SERPINB7: variants seen among roughly 807,000 people sequenced by gnomAD.
SERPINB7 encodes the protein serpin family B member 7.
Under a neutral mutation model 37.4 loss-of-function variants are expected in SERPINB7, and 31 were observed. The ratio of observed to expected loss-of-function variants is 0.83; its 90% CI spans 0.62 to 1.12. The LOEUF is 1.12. Among genes scored for constraint, SERPINB7 ranks in the 50% most tolerant of loss-of-function variants. The pLI is 0.00. For synonymous variants in SERPINB7, 163 were observed against 166.1 expected (o/e 0.98, Z 0.14); for missense variants, 521 against 455.3 (o/e 1.14, Z -1.31).
rs551916621 is a variant in SERPINB7, at chr18:63,754,546, G to C, written c.-19+1426G>C. ...TAGAGGAGCAAAGACGCTGGTCAGA[G>C]GTAACACTAGTCATTAGGGTGGTCC... On this transcript the variant is annotated intron_variant, in intron 1 of 7. Transcript: ENST00000336429. 9.3e-4 allele frequency among the ~76,000 whole-genome samples: 141 copies of C among 152,232 alleles called. 1 individual carries two copies. The highest frequency in any genetic ancestry group is 3.3e-3 in the African/African-American group (138 of 41,534).
chr18:63,781,843 A>G lies in SERPINB7; in HGVS notation c.-18-512A>G, dbSNP rs76458450. On this transcript the variant is annotated intron_variant, in intron 1 of 7. Transcript: ENST00000398019. ...GGACCAATGATGCATAATACTTAAA[A>G]TTAGGACAGTTTTGAAAAAAAATAG... 3.7e-3 allele frequency among the ~76,000 whole-genome samples: 568 copies of G among 152,344 alleles called. 2 individuals are homozygous for G. Among genetic ancestry groups the G allele is most frequent in the Non-Finnish European group, 4.9e-3 (334 of 68,028 alleles).
Position 63,785,483 on chromosome 18 carries a change from T to G in SERPINB7, c.168+2943T>G, listed in dbSNP as rs543845533. Reference sequence around the variant, plus strand: ...CAAGACGTTCTGGGCTTGTCTTGAGTTATCTTAGCTCCAAAAGGAGCTCAG... The same window carrying G: ...CAAGACGTTCTGGGCTTGTCTTGAGGTATCTTAGCTCCAAAAGGAGCTCAG... On this transcript the variant is annotated intron_variant, in intron 2 of 7. Transcript: ENST00000398019. Among the ~76,000 whole-genome samples, 4 of 152,334 alleles carry G rather than the reference T, an allele frequency of 2.6e-5. No individual in the cohort carries two copies. The South Asian group carries it at 8.3e-4, about 32-fold the overall frequency.
At chr18:63,800,640 G>T (rs1442974579) in intron 6 of SERPINB7, among the ~76,000 whole-genome samples, 2 of 152,012 alleles carry the variant, frequency 1.3e-5, no homozygotes. Context: ...ACTCACCCAA[G>T]GTCACATAGT....
At chr18:63,796,936 C>A (rs2049494740) in intron 5 of SERPINB7, among the ~76,000 whole-genome samples, 1 of 151,906 alleles carries the variant, frequency 6.6e-6, no homozygotes. Context: ...TTGCTTTTTC[C>A]AAGGATGTAT....
chr18:63,776,429 CTG>C (rs1211876107), intron 1 of SERPINB7, among the ~76,000 whole-genome samples: 1 of 151,804 alleles, frequency 6.6e-6, no homozygotes, highest in African/African-American at 2.4e-5. Flanking sequence ...GGGCATCTTA[CTG>C]TGTGTATTCT....
At chr18:63,783,271 A>AAAGG (rs2049331185) in intron 2 of SERPINB7, among the ~76,000 whole-genome samples, 2 of 147,828 alleles carry the variant, frequency 1.4e-5, no homozygotes, top group Admixed American at 6.7e-5. Context: ...AGAAAGAAAG[A>AAAGG]AAGAAAGAAA....
intron 1 of SERPINB7, chr18:63,777,651 C>A (rs2049261468): frequency 6.6e-6 from 1 of 152,010 alleles, no homozygotes; most frequent in South Asian, 2.1e-4. Context: ...TTTTAAATTG[C>A]TCTATAAAGC....
chr18:63,795,309 C>T (rs1041973812), intron 4 of SERPINB7, among the ~76,000 whole-genome samples: 12 of 152,130 alleles, frequency 7.9e-5, no homozygotes, highest in African/African-American at 2.9e-4. Flanking sequence ...GCCTGTAATC[C>T]CAGCACTTTG....
intron 1 of SERPINB7, among the ~76,000 whole-genome samples, chr18:63,776,922 A>G (rs1223329064): frequency 6.6e-6 from 1 of 151,976 alleles, no homozygotes; most frequent in African/African-American, 2.4e-5. Flanking sequence ...CATGTGTTCA[A>G]TATATTCTAA....
chr18:63,764,114 A>T (rs190993284), intron 1 of SERPINB7, among the ~76,000 whole-genome samples: 1 of 152,330 alleles, frequency 6.6e-6, no homozygotes, highest in African/African-American at 2.4e-5. Flanking sequence ...AGGGTAAAGA[A>T]ACAAATTTTC....
chr18:63,782,426 G>C lies in SERPINB7; in HGVS notation c.54G>C (p.Glu18Asp), dbSNP rs1219148047. 3.7e-6 allele frequency: 6 copies of C among 1,614,102 alleles called. No individual in the cohort carries two copies. Among genetic ancestry groups the C allele is most frequent in the Non-Finnish European group, 5.1e-6 (6 of 1,180,036 alleles). ...NAEFCFNLFR[E>D]MDDNQGNGNV... ...AGTTTTGCTTCAACCTGTTCAGAGAGATGGATGACAATCAAGGAAATGGAA... is the reference window on the plus strand; with the variant it reads ...AGTTTTGCTTCAACCTGTTCAGAGACATGGATGACAATCAAGGAAATGGAA... The change falls in exon 2 of 8, where the codon GAG (glutamate) becomes GAC (aspartate). Residue 18 changes from glutamate (E) to aspartate (D), a missense_variant. Glu to Asp is a conservative substitution (Grantham distance 45, BLOSUM62 2). Coordinates refer to ENST00000398019, the MANE Select transcript of SERPINB7 (RefSeq NM_003784.4).
chr18:63,754,294 C>G (rs764695327), intron 1 of SERPINB7, among the ~76,000 whole-genome samples: 4 of 152,060 alleles, frequency 2.6e-5, no homozygotes, highest in Non-Finnish European at 4.4e-5. Flanking sequence ...AATTTCACGC[C>G]AAGGGAATAT....
chr18:63,760,087 T>G (rs191847397), intron 1 of SERPINB7, among the ~76,000 whole-genome samples: 1 of 152,022 alleles, frequency 6.6e-6, no homozygotes, highest in Admixed American at 6.5e-5. Context: ...GACAGGAAAA[T>G]GTGGGAAAGT....
intron 2 of SERPINB7, 150 bp downstream of exon 2, chr18:63,782,690 G>A: frequency 1.4e-6 from 1 of 705,464 alleles, no homozygotes; most frequent in Non-Finnish European, 2.3e-6. Flanking sequence ...CTTTGGGTGT[G>A]AAGAAAGCAC....
At chr18:63,760,217 C>G (rs559844746) in intron 1 of SERPINB7, among the ~76,000 whole-genome samples, 1 of 152,164 alleles carries the variant, frequency 6.6e-6, no homozygotes, top group African/African-American at 2.4e-5. Context: ...GGAACTGGAG[C>G]AAAGGTGACT....
intron 1 of SERPINB7, among the ~76,000 whole-genome samples, chr18:63,767,917 G>C (rs1598992366): frequency 6.6e-6 from 1 of 151,892 alleles, no homozygotes; most frequent in Non-Finnish European, 1.5e-5. Context: ...CCACAGCTTT[G>C]GTCTAGCTTT....
upstream of SERPINB7, among the ~76,000 whole-genome samples, chr18:63,771,891 C>T (rs1233217562): frequency 6.7e-6 from 1 of 150,338 alleles, no homozygotes; most frequent in African/African-American, 2.4e-5. Context: ...CAGAAATGAT[C>T]AGGAAGGCTT....
intron 1 of SERPINB7, among the ~76,000 whole-genome samples, chr18:63,763,596 T>A (rs1380262680): frequency 6.6e-6 from 1 of 152,146 alleles, no homozygotes. Flanking sequence ...ATGATACTAA[T>A]CCAAAAATTA....
intron 4 of SERPINB7, among the ~76,000 whole-genome samples, chr18:63,795,785 A>G (rs2049481304): frequency 6.6e-6 from 1 of 152,166 alleles, no homozygotes; most frequent in Non-Finnish European, 1.5e-5. Context: ...GGAATGTAGT[A>G]TCGTGGGACA....
Sources: allele counts gnomAD v4.1 joint callset (sites outside exome capture counted in the v4.1 genomes callset), GRCh38; gene constraint gnomAD v4.1.1; transcripts MANE v1.5; gene names NCBI Gene and HGNC (gene_info 2026-07-23, HGNC 2026-07-21).